Variants in FRK observed in about 807,000 individuals in gnomAD.
The protein encoded by FRK is tyrosine-protein kinase FRK.
Under a neutral mutation model 56.4 loss-of-function variants are expected in FRK, and 51 were observed. The ratio of observed to expected loss-of-function variants is 0.90; its 90% CI spans 0.72 to 1.14. The LOEUF is 1.14. FRK is among the 50% of genes most tolerant of loss of function. FRK has a pLI of 0.00. For synonymous variants in FRK, 245 were observed against 217.9 expected (o/e 1.12, Z -1.10); for missense variants, 570 against 601.4 (o/e 0.95, Z 0.55).
rs114000064 is a variant in FRK, at chr6:115,975,784, G to T, written c.467-7045C>A. On this transcript the variant is annotated intron_variant, in intron 2 of 7. Transcript: ENST00000606080. ...GATTGAACTCAGCTAAAAGATCAAAGATCCTGAGTTTACATGTTGTTTGAC... is the reference window on the plus strand; with the variant it reads ...GATTGAACTCAGCTAAAAGATCAAATATCCTGAGTTTACATGTTGTTTGAC... 3.4e-3 allele frequency among the ~76,000 whole-genome samples: 524 copies of T among 152,258 alleles called. 2 individuals carry two copies. Among genetic ancestry groups the T allele is most frequent in the African/African-American group, 0.012 (512 of 41,572 alleles).
intron 1 of FRK, among the ~76,000 whole-genome samples, chr6:116,027,898 AAGGG>A (rs1472409021): frequency 6.6e-6 from 1 of 152,044 alleles, no homozygotes; most frequent in Admixed American, 6.6e-5. Flanking sequence ...GGCCAAAGGG[AAGGG>A]AGGAACTGTT....
At chr6:115,965,967 G>C (rs1433336867) in intron 4 of FRK, among the ~76,000 whole-genome samples, 1 of 106,396 alleles carries the variant, frequency 9.4e-6, no homozygotes, top group East Asian at 3.0e-4. Flanking sequence ...ACGTTAGTGG[G>C]TGCAGCGCAC....
the FRK span, among the ~76,000 whole-genome samples, chr6:116,093,489 A>G: frequency 3.3e-3 from 507 of 152,332 alleles, 3 homozygotes; most frequent in African/African-American, 0.012. Flanking sequence ...CCTGGCCTTT[A>G]ATGAAAAGAA....
At chr6:116,047,489 C>A (rs569372956) in intron 1 of FRK, among the ~76,000 whole-genome samples, 1 of 54,042 alleles carries the variant, frequency 1.9e-5, no homozygotes, top group South Asian at 6.2e-4. Flanking sequence ...TCAAGTGATT[C>A]TCCTGCCTCA....
At chr6:116,014,729 C>A (rs1253682496) in intron 1 of FRK, among the ~76,000 whole-genome samples, 10 of 151,934 alleles carry the variant, frequency 6.6e-5, no homozygotes, top group Non-Finnish European at 1.5e-4. Context: ...CCTGAGCTCA[C>A]CAGCAATATG....
chr6:116,040,698 T>C (rs1776677397), intron 1 of FRK, among the ~76,000 whole-genome samples: 1 of 152,118 alleles, frequency 6.6e-6, no homozygotes, highest in African/African-American at 2.4e-5. Context: ...TATTAGAAAT[T>C]TAGGTGGTAT....
the FRK span, among the ~76,000 whole-genome samples, chr6:116,084,084 C>G: frequency 6.6e-6 from 1 of 152,074 alleles, no homozygotes; most frequent in Non-Finnish European, 1.5e-5. Context: ...GAAATAATTG[C>G]TAGGATACCA....
rs1773633447 is a variant in FRK, at chr6:115,967,594, C to T, written c.756G>A (p.Leu252=). The T allele has an allele frequency of 6.2e-7, 1 of 1,613,832 alleles. No homozygotes were observed. The highest frequency in any genetic ancestry group is 8.5e-7 in the Non-Finnish European group (1 of 1,179,806). Reference sequence around the variant, plus strand: ...CTGCTACTGGAGTGGTATTGTTCCACAGACCTTCCCATACTTCGCCAAACT... The same window carrying T: ...CTGCTACTGGAGTGGTATTGTTCCATAGACCTTCCCATACTTCGCCAAACT... ...SGQFGEVWEG[L]WNNTTPVAVK... is the part of the protein sequence containing the mutation. Residue 252 remains leucine (L), a synonymous_variant, in exon 4 of 8, where the codon CTG becomes CTA. Transcript: ENST00000606080.
At chr6:116,043,015 T>C (rs980436030) in intron 1 of FRK, among the ~76,000 whole-genome samples, 1 of 151,928 alleles carries the variant, frequency 6.6e-6, no homozygotes, top group African/African-American at 2.4e-5. Flanking sequence ...GGTAAAGGGA[T>C]CAATGCAACA....
chr6:115,932,054 TG>T lies in FRK; in HGVS notation c.*10359del, dbSNP rs1771966434. The T allele has an allele frequency of 1.3e-5, 2 of 152,198 alleles. No individual in the cohort carries two copies. Among genetic ancestry groups the T allele is most frequent in the Non-Finnish European group, 2.9e-5 (2 of 68,030 alleles). 9.4% of individuals were successfully genotyped at this position (152,198 alleles called of 1,614,324 possible). On this transcript the variant is annotated 3_prime_UTR_variant, in exon 8 of 8. Transcript: ENST00000606080. Reference sequence around the variant, plus strand: ...TAACTACCTAGGCAAGAAGAGTAAATGGAAATAATTGGGCATCTCTTTTCTT... The same window carrying T: ...TAACTACCTAGGCAAGAAGAGTAAATGAAATAATTGGGCATCTCTTTTCTT...
At chr6:116,035,464 A>T (rs1187958267) in intron 1 of FRK, among the ~76,000 whole-genome samples, 1 of 152,098 alleles carries the variant, frequency 6.6e-6, no homozygotes, top group Non-Finnish European at 1.5e-5. Flanking sequence ...CATTACTCAC[A>T]TCTACATATC....
chr6:115,943,930 G>A (rs1772313502), intron 6 of FRK, among the ~76,000 whole-genome samples: 1 of 152,144 alleles, frequency 6.6e-6, no homozygotes, highest in Admixed American at 6.6e-5. Context: ...TGCACAAAGT[G>A]TACTGCTTTT....
rs1773633612 is a variant in FRK, at chr6:115,967,596, G to A, written c.754C>T (p.Leu252=). ...GCTACTGGAGTGGTATTGTTCCACA[G>A]ACCTTCCCATACTTCGCCAAACTGA... ...SGQFGEVWEG[L]WNNTTPVAVK... Residue 252 remains leucine (L), a synonymous_variant, in exon 4 of 8, where the codon CTG becomes TTG. Coordinates refer to ENST00000606080, the MANE Select transcript of FRK (RefSeq NM_002031.3). 6.2e-7 allele frequency: 1 copy of A among 1,613,782 alleles called. No individual in the cohort carries two copies. The highest frequency in any genetic ancestry group is 8.5e-7 in the Non-Finnish European group (1 of 1,179,812).
the FRK span, among the ~76,000 whole-genome samples, chr6:116,071,902 T>C: frequency 3.9e-5 from 6 of 152,172 alleles, no homozygotes; most frequent in African/African-American, 1.2e-4. Context: ...GAAGCATACA[T>C]TTGTTTGGAA....
At position 115,934,382 on chromosome 6, in the gene FRK, C is replaced by T. The variant is rs932159965; in HGVS notation, c.*8032G>A. ...CATAGGACCCAAGTTTGCTGGAACA[C>T]AAAAATGAAAATAATTTTTAATCCA... On this transcript the variant is annotated 3_prime_UTR_variant, in exon 8 of 8. Coordinates refer to ENST00000606080, the MANE Select transcript of FRK (RefSeq NM_002031.3). The T allele has an allele frequency of 3.9e-5, 6 of 152,284 alleles. No individual in the cohort carries two copies. Among genetic ancestry groups the T allele is most frequent in the African/African-American group, 1.4e-4 (6 of 41,572 alleles). The allele number at this position is 152,284 out of a possible 1,614,324, so 9.4% of individuals were successfully genotyped here.
chr6:116,060,380 C>A lies in FRK; in HGVS notation c.-69G>T, dbSNP rs887055917. The A allele has an allele frequency of 7.9e-7, 1 of 1,270,914 alleles. No homozygotes were observed. The highest frequency in any genetic ancestry group is 1.1e-6 in the Non-Finnish European group (1 of 906,066). The allele number at this position is 1,270,914 out of a possible 1,614,324, so 78.7% of individuals were successfully genotyped here. A position where few individuals can be genotyped will look rare whatever the true frequency, so the allele number is the denominator to read the frequency against. On this transcript the variant is annotated 5_prime_UTR_variant, in exon 1 of 8. Coordinates refer to ENST00000606080, the MANE Select transcript of FRK (RefSeq NM_002031.3). ...CCTTAGTCTCTGCGATCCACCTTATCTTCCTTCACCAGGCAACTTTGAAGT... is the reference window on the plus strand; with the variant it reads ...CCTTAGTCTCTGCGATCCACCTTATATTCCTTCACCAGGCAACTTTGAAGT...
At chr6:116,019,108 C>G (rs993234963) in intron 1 of FRK, among the ~76,000 whole-genome samples, 5 of 152,130 alleles carry the variant, frequency 3.3e-5, no homozygotes, top group African/African-American at 9.7e-5. Flanking sequence ...GTCTGAGCAC[C>G]TTGTTCCTTT....
chr6:116,070,462 C>T, the FRK span, among the ~76,000 whole-genome samples: 1 of 152,124 alleles, frequency 6.6e-6, no homozygotes, highest in Non-Finnish European at 1.5e-5. Context: ...TTATCTTGTG[C>T]TAACAACAAT....
chr6:115,997,635 C>T (rs1005788109), intron 2 of FRK, among the ~76,000 whole-genome samples: 3 of 152,116 alleles, frequency 2.0e-5, no homozygotes, highest in African/African-American at 7.2e-5. Context: ...TCTCATTCTC[C>T]CTTATTTTGC....
Sources: allele counts gnomAD v4.1 joint callset (sites outside exome capture counted in the v4.1 genomes callset), GRCh38; gene constraint gnomAD v4.1.1; transcripts MANE v1.5; gene names NCBI Gene and HGNC (gene_info 2026-07-23, HGNC 2026-07-21).